Variants in CDH18 observed in about 807,000 individuals in gnomAD.
CDH18 encodes the protein cadherin 18.
A neutral mutation model predicts 67.9 loss-of-function variants in CDH18; 31 were observed. That is an observed-to-expected ratio of 0.46 (90% CI 0.34 to 0.62). The LOEUF (loss-of-function observed/expected upper bound fraction) is 0.62, where lower values mean the gene tolerates loss of function less well. Ranked by LOEUF, CDH18 falls within the 20% of genes least tolerant of loss-of-function variation. The pLI is 0.01. For synonymous variants in CDH18, 362 were observed against 347.2 expected (o/e 1.04, Z -0.48); for missense variants, 890 against 975.5 (o/e 0.91, Z 1.17).
chr5:20,087,444 A>AAACAGT (rs1376979030), intron 2 of CDH18, among the ~76,000 whole-genome samples: 1 of 151,722 alleles, frequency 6.6e-6, no homozygotes, highest in Non-Finnish European at 1.5e-5. Context: ...AAATGTCATT[A>AAACAGT]AACAGTATTC....
rs905779154 is a variant in CDH18 at position 20,089,298 on chromosome 5, G to GA, written c.-517-97285dup. Among the ~76,000 whole-genome samples the GA allele has an allele frequency of 1.3e-3, 199 of 151,962 alleles. 1 individual carries two copies. The highest frequency in any genetic ancestry group is 4.5e-3 in the African/African-American group (186 of 41,462). On this transcript the variant is annotated intron_variant, in intron 2 of 14. Transcript: ENST00000507958. ...TGGTACCCTGGTAAAATAAAAATCT[G>GA]AATGGTCTTTGTAGACTTTCCCGTA... is the stretch of plus-strand genomic sequence containing the variant.
chr5:19,737,750 T>C (rs886176175), intron 4 of CDH18, among the ~76,000 whole-genome samples: 6 of 152,244 alleles, frequency 3.9e-5, no homozygotes, highest in African/African-American at 1.4e-4. Flanking sequence ...TTTCAGCATT[T>C]GCTTAAAATC....
chr5:20,553,582 C>A (rs1165438227), intron 1 of CDH18, among the ~76,000 whole-genome samples: 1 of 152,116 alleles, frequency 6.6e-6, no homozygotes, highest in Non-Finnish European at 1.5e-5. Flanking sequence ...TAACCATGTT[C>A]CCAGGAAGAT....
chr5:20,079,706 T>C (rs1467151353), intron 2 of CDH18, among the ~76,000 whole-genome samples: 4 of 152,160 alleles, frequency 2.6e-5, no homozygotes, highest in Non-Finnish European at 5.9e-5. Flanking sequence ...GACCAACAAG[T>C]GGTCAAGAGT....
At chr5:20,191,683 A>G (rs1227822077) in intron 2 of CDH18, among the ~76,000 whole-genome samples, 1 of 152,076 alleles carries the variant, frequency 6.6e-6, no homozygotes, top group Non-Finnish European at 1.5e-5. Context: ...TGAAAAAAAC[A>G]TGACCTCATT....
intron 2 of CDH18, among the ~76,000 whole-genome samples, chr5:19,969,177 T>TA (rs1034207877): frequency 4.0e-5 from 6 of 148,494 alleles, no homozygotes; most frequent in African/African-American, 1.6e-4. Flanking sequence ...TGGCGATCAT[T>TA]AAAAAATCAG....
chr5:20,241,796 G>C (rs1258118738), intron 2 of CDH18, among the ~76,000 whole-genome samples: 1 of 150,358 alleles, frequency 6.7e-6, no homozygotes, highest in African/African-American at 2.4e-5. Context: ...GGCTTGCAGT[G>C]AGCCAAGATT....
intron 5 of CDH18, among the ~76,000 whole-genome samples, chr5:19,638,873 A>G (rs752139849): frequency 1.5e-4 from 22 of 151,042 alleles, no homozygotes; most frequent in Non-Finnish European, 2.4e-4. Context: ...TTTCAATAAC[A>G]AGGGGAGCAG....
rs527822572 is a variant in CDH18 at position 19,640,316 on chromosome 5, AT to A, written c.644-27716del. Among the ~76,000 whole-genome samples the A allele has an allele frequency of 1.7e-4, 26 of 152,298 alleles. No homozygotes were observed. In the South Asian group the frequency reaches 5.4e-3, roughly 32 times the overall value. ...ACAATATAGAAAGCATCAAATTCTG[AT>A]TACAAGGGTATTATATGTGGGTGAG... On this transcript the variant is annotated intron_variant, in intron 5 of 12. Transcript: ENST00000382275.
rs760777430 is a variant in CDH18 at position 19,994,855 on chromosome 5, T to TATATATATATAGAGAGAGAGAGAGAG, written c.-517-2842_-517-2841insCTCTCTCTCTCTCTCTATATATATAT. The stretch of plus-strand genomic sequence containing the variant: ...ATATATATATATATATATATATATA[T>TATATATATATAGAGAGAGAGAGAGAG]AGAGAGAGAGAGAGAGAGAGAGATG... On this transcript the variant is annotated intron_variant, in intron 2 of 14. Coordinates refer to the CDH18 transcript ENST00000507958. Among the ~76,000 whole-genome samples, 6 of 67,586 alleles carry TATATATATATAGAGAGAGAGAGAGAG rather than the reference T, an allele frequency of 8.9e-5. 2 individuals are homozygous for TATATATATATAGAGAGAGAGAGAGAG. The highest frequency in any genetic ancestry group is 4.4e-4 in the African/African-American group (6 of 13,586). 44.3% of individuals were successfully genotyped at this position (67,586 alleles called of 152,430 possible).
chr5:20,428,491 C>A (rs539189397), intron 1 of CDH18, among the ~76,000 whole-genome samples: 294 of 152,284 alleles, frequency 1.9e-3, no homozygotes, highest in African/African-American at 6.4e-3. Flanking sequence ...AATGATATTT[C>A]TGGTTCTATA....
In CDH18 at chr5:19,634,735, C is replaced by T. The variant is rs139083686; in HGVS notation, c.644-22134G>A. 2.9e-3 allele frequency among the ~76,000 whole-genome samples: 440 copies of T among 151,784 alleles called. 2 individuals carry two copies. Among genetic ancestry groups the T allele is most frequent in the African/African-American group, 0.01 (425 of 41,384 alleles). On this transcript the variant is annotated intron_variant, in intron 5 of 12. Coordinates refer to ENST00000382275, the MANE Select transcript of CDH18 (RefSeq NM_004934.5). Reference sequence around the variant, plus strand: ...GGTGGATCACCTGAGGTTGGGAGTTCGAGACCACCTTGACCAAAATGGAGA... The same window carrying T: ...GGTGGATCACCTGAGGTTGGGAGTTTGAGACCACCTTGACCAAAATGGAGA...
At chr5:20,039,591 T>C (rs952615732) in intron 2 of CDH18, among the ~76,000 whole-genome samples, 5 of 152,082 alleles carry the variant, frequency 3.3e-5, no homozygotes, top group Admixed American at 2.0e-4. Context: ...AAACAAGAAA[T>C]GGGGAAAGGA....
chr5:19,477,476 A>G (rs1738681536), intron 12 of CDH18, among the ~76,000 whole-genome samples: 1 of 152,054 alleles, frequency 6.6e-6, no homozygotes, highest in Admixed American at 6.6e-5. Context: ...TAGCCTCACT[A>G]GGAAAATAAT....
intron 2 of CDH18, among the ~76,000 whole-genome samples, chr5:19,952,249 C>T (rs1795866286): frequency 6.6e-6 from 1 of 152,194 alleles, no homozygotes; most frequent in African/African-American, 2.4e-5. Context: ...CAGGGTTTCA[C>T]CGTGTTAGCC....
At chr5:20,356,252 A>G in intron 1 of CDH18, among the ~76,000 whole-genome samples, 1 of 152,226 alleles carries the variant, frequency 6.6e-6, no homozygotes. Flanking sequence ...GCATGGTGGC[A>G]GGTGCCTGCA....
At chr5:19,773,944 C>A (rs1319346900) in intron 3 of CDH18, among the ~76,000 whole-genome samples, 1 of 152,106 alleles carries the variant, frequency 6.6e-6, no homozygotes, top group East Asian at 1.9e-4. Flanking sequence ...TAAACACATA[C>A]ACCTATGAAA....
chr5:20,520,758 T>C (rs1227248239), intron 1 of CDH18, among the ~76,000 whole-genome samples: 1 of 152,156 alleles, frequency 6.6e-6, no homozygotes, highest in African/African-American at 2.4e-5. Flanking sequence ...TTTGAACATG[T>C]TAAATTTGAG....
intron 9 of CDH18, among the ~76,000 whole-genome samples, chr5:19,535,491 T>C (rs1192031729): frequency 6.6e-6 from 1 of 152,198 alleles, no homozygotes; most frequent in Non-Finnish European, 1.5e-5. Flanking sequence ...GGTTTTTATA[T>C]TCTTAGATGC....
Sources: allele counts gnomAD v4.1 joint callset (sites outside exome capture counted in the v4.1 genomes callset), GRCh38; gene constraint gnomAD v4.1.1; transcripts MANE v1.5; gene names NCBI Gene and HGNC (gene_info 2026-07-23, HGNC 2026-07-21).